Variants in ENPP2 observed in about 807,000 individuals in gnomAD.
The protein encoded by ENPP2 is autotaxin.
In ENPP2, 51 loss-of-function variants were observed where a neutral mutation model predicts 120.2. That is an observed-to-expected ratio of 0.42 (90% confidence interval 0.34 to 0.54). The LOEUF (loss-of-function observed/expected upper bound fraction) is 0.54. Ranked by LOEUF, ENPP2 falls within the 20% of genes least tolerant of loss-of-function variation. ENPP2 has a pLI of 0.04. For synonymous variants in ENPP2, 365 were observed against 366.4 expected (o/e 1.00, Z 0.04); for missense variants, 920 against 1,066.5 (o/e 0.86, Z 1.91).
At chr8:119,578,589 T>C (rs1812510444) in intron 19 of ENPP2, 1 of 152,222 alleles carries the variant, frequency 6.6e-6, no homozygotes, top group Non-Finnish European at 1.5e-5. Flanking sequence ...CAACTAAATA[T>C]CTAAAAAACT....
intron 1 of ENPP2, among the ~76,000 whole-genome samples, chr8:119,654,423 A>G (rs1186015876): frequency 6.9e-6 from 1 of 145,478 alleles, no homozygotes; most frequent in Non-Finnish European, 1.5e-5. Flanking sequence ...AATATAAAAT[A>G]TTTATAGTAT....
chr8:119,639,848 GA>G (rs1817218515), upstream of ENPP2, among the ~76,000 whole-genome samples: 1 of 152,090 alleles, frequency 6.6e-6, no homozygotes. Flanking sequence ...ACTTTCAAAA[GA>G]AAAAATCAAG....
intron 13 of ENPP2, 64 bp downstream of exon 13, chr8:119,590,441 C>T: frequency 7.7e-7 from 1 of 1,295,960 alleles, no homozygotes; most frequent in East Asian, 2.7e-5. Flanking sequence ...CTTTAGAAAA[C>T]AAGCCCTTAC....
Position 119,568,261 on chromosome 8 carries a change from T to G in ENPP2, c.2054-9A>C, listed in dbSNP as rs2130046390. The G allele has an allele frequency of 6.6e-7, 1 of 1,521,314 alleles. No homozygotes were observed. Among genetic ancestry groups the G allele is most frequent in the African/African-American group, 1.4e-5 (1 of 72,512 alleles). 94.2% of individuals were successfully genotyped at this position (1,521,314 alleles called of 1,614,324 possible). A position where few individuals can be genotyped will look rare whatever the true frequency, so the allele number is the denominator to read the frequency against. ...TGGTGAAGAGCTCAGATCTAAACATTAGGAAAACAAATAGTATACGTTGCT... is the reference window on the plus strand; with the variant it reads ...TGGTGAAGAGCTCAGATCTAAACATGAGGAAAACAAATAGTATACGTTGCT... On this transcript the variant is annotated splice_polypyrimidine_tract_variant and intron_variant, in intron 21 of 24. Transcript: ENST00000075322.
rs1236721044 is a variant in ENPP2 at position 119,644,669 on chromosome 8, T to TAC, written c.22-6144_22-6143dup. Among the ~76,000 whole-genome samples the TAC allele has an allele frequency of 4.8e-5, 6 of 124,308 alleles. 1 individual carries two copies. The South Asian group carries it at 1.6e-3, about 33-fold the overall frequency. 81.6% of individuals were successfully genotyped at this position (124,308 alleles called of 152,430 possible). A position where few individuals can be genotyped will look rare whatever the true frequency, so the allele number is the denominator to read the frequency against. ...ACACATATAGATATATATATATATA[T>TAC]ACACACACACATATATATATACTGG... On this transcript the variant is annotated intron_variant, in intron 1 of 25. Transcript: ENST00000427067.
chr8:119,614,485 G>T lies in ENPP2; in HGVS notation c.777+1780C>A, dbSNP rs570050248. On this transcript the variant is annotated intron_variant, in intron 8 of 24. Transcript: ENST00000075322. ...AACTTGGTCAGATGCGTCAACTTTG[G>T]GAGTTAGTGAGGAAACAGGTAAACA... Among the ~76,000 whole-genome samples, 4 of 152,234 alleles carry T rather than the reference G, an allele frequency of 2.6e-5. No individual in the cohort carries two copies. In the South Asian group the frequency reaches 8.3e-4, roughly 32 times the overall value.
rs565197083 is a variant in ENPP2 at position 119,622,566 on chromosome 8, G to C, written c.293-1047C>G. 1.2e-3 allele frequency among the ~76,000 whole-genome samples: 181 copies of C among 152,294 alleles called. 1 individual carries two copies. Among genetic ancestry groups the C allele is most frequent in the Non-Finnish European group, 2.3e-3 (157 of 68,026 alleles). On this transcript the variant is annotated intron_variant, in intron 3 of 24. Coordinates refer to ENST00000075322, the MANE Select transcript of ENPP2 (RefSeq NM_001040092.3). Reference sequence around the variant, plus strand: ...TGTTTTTTGACTTTTTCATCTGCTAGAGTGTAAGCGCCATGGCAGGAAAAG... The same window carrying C: ...TGTTTTTTGACTTTTTCATCTGCTACAGTGTAAGCGCCATGGCAGGAAAAG...
chr8:119,662,823 T>C (rs1031288877), intron 1 of ENPP2, among the ~76,000 whole-genome samples: 23 of 152,016 alleles, frequency 1.5e-4, no homozygotes, highest in Non-Finnish European at 1.9e-4. Context: ...TGAAAACGGG[T>C]AGTATAGGCC....
chr8:119,610,919 A>T (rs115438477), intron 8 of ENPP2, among the ~76,000 whole-genome samples: 1,929 of 151,830 alleles, frequency 0.013, 48 homozygotes, highest in African/African-American at 0.044. Context: ...AAAAAAAAAA[A>T]ATACAACTAA....
chr8:119,662,841 G>A (rs1817959629), intron 1 of ENPP2, among the ~76,000 whole-genome samples: 1 of 152,204 alleles, frequency 6.6e-6, no homozygotes, highest in African/African-American at 2.4e-5. Context: ...GCCAGGCGCA[G>A]TGCCTCATGC....
chr8:119,633,953 C>T (rs557440164), intron 2 of ENPP2, among the ~76,000 whole-genome samples: 21 of 150,938 alleles, frequency 1.4e-4, no homozygotes, highest in South Asian at 4.1e-4. Flanking sequence ...GAGGCTGAGG[C>T]GAGTGGATCA....
intron 1 of ENPP2, among the ~76,000 whole-genome samples, chr8:119,644,320 T>TG (rs1013984996): frequency 6.6e-6 from 1 of 151,176 alleles, no homozygotes; most frequent in African/African-American, 2.4e-5. Context: ...GGAAGACAAG[T>TG]GGGGGAGTTA....
chr8:119,568,360 A>T (rs1814655809), intron 21 of ENPP2, 108 bp from the exon 22 acceptor site: 2 of 687,474 alleles, frequency 2.9e-6, no homozygotes, highest in Non-Finnish European at 5.3e-6. Flanking sequence ...AAACAACATG[A>T]AGTAAATGAA....
At chr8:119,595,948 C>T (rs150706494) in intron 11 of ENPP2, 11 of 1,613,878 alleles carry the variant, frequency 6.8e-6, no homozygotes, top group Non-Finnish European at 8.5e-6. Flanking sequence ...CTCTTAGGGG[C>T]AACTTTCCTC....
At chr8:119,618,225 C>T (rs968174717) in intron 5 of ENPP2, 11 of 463,506 alleles carry the variant, frequency 2.4e-5, no homozygotes, top group South Asian at 7.9e-5. Flanking sequence ...TTCATGCCTG[C>T]GAAGATCATT....
intron 19 of ENPP2, among the ~76,000 whole-genome samples, chr8:119,578,783 G>A (rs961484543): frequency 1.3e-5 from 2 of 152,176 alleles, no homozygotes; most frequent in Non-Finnish European, 2.9e-5. Context: ...TCCGTTCTGT[G>A]CCAGAGTCTG....
At chr8:119,637,009 T>C (rs1358492715) in intron 2 of ENPP2, among the ~76,000 whole-genome samples, 1 of 152,170 alleles carries the variant, frequency 6.6e-6, no homozygotes, top group Non-Finnish European at 1.5e-5. Context: ...CATTTAATTC[T>C]TTCAATCTCA....
At chr8:119,633,566 C>T (rs938390528) in intron 2 of ENPP2, among the ~76,000 whole-genome samples, 7 of 152,018 alleles carry the variant, frequency 4.6e-5, no homozygotes, top group Non-Finnish European at 1.0e-4. Context: ...CAAGATGCTG[C>T]CCAGCTCTAG....
At chr8:119,661,354 C>A (rs930497748) in intron 1 of ENPP2, among the ~76,000 whole-genome samples, 2 of 152,224 alleles carry the variant, frequency 1.3e-5, no homozygotes, top group Middle Eastern at 3.4e-3. Flanking sequence ...GGTTGAAGAA[C>A]CTGAATAGAC....
Sources: gnomAD v4.1 joint callset for allele counts (sites outside exome capture counted in the v4.1 genomes callset) on GRCh38, gnomAD v4.1.1 for gene constraint, MANE v1.5 for transcripts, NCBI Gene and HGNC (gene_info 2026-07-23, HGNC 2026-07-21) for gene names.